Variants in PIP5K1B observed in about 807,000 individuals in gnomAD.
The protein encoded by PIP5K1B is phosphatidylinositol-4-phosphate 5-kinase type 1 beta.
In PIP5K1B, 42 loss-of-function variants were observed where a neutral mutation model predicts 67.0. The ratio of observed to expected loss-of-function variants is 0.63; its 90% CI spans 0.49 to 0.81. PIP5K1B has a LOEUF of 0.81. Among genes scored for constraint, PIP5K1B ranks in the 30% least tolerant of loss-of-function variants. The pLI is 0.00. For missense variants in PIP5K1B, 459 were observed against 646.3 expected (o/e 0.71, Z 3.14); for synonymous variants, 214 against 231.4 (o/e 0.92, Z 0.68).
chr9:68,817,676 T>C (rs1833513680), intron 2 of PIP5K1B, among the ~76,000 whole-genome samples: 1 of 151,948 alleles, frequency 6.6e-6, no homozygotes. Flanking sequence ...ACTGTTTATA[T>C]TGGCTATCGC....
At chr9:68,870,908 G>A (rs574277322) in intron 5 of PIP5K1B, among the ~76,000 whole-genome samples, 1 of 152,276 alleles carries the variant, frequency 6.6e-6, no homozygotes, top group South Asian at 2.1e-4. Context: ...AATAAACAAA[G>A]CTCACTAAAT....
intron 13 of PIP5K1B, among the ~76,000 whole-genome samples, chr9:68,939,243 A>G (rs4745402): frequency 0.32 from 48,120 of 152,070 alleles, 9,271 homozygotes; most frequent in South Asian, 0.5. Context: ...CACCTTCCCA[A>G]TGATGTGTGA....
chr9:68,770,741 G>A (rs1587417718), intron 2 of PIP5K1B, among the ~76,000 whole-genome samples: 1 of 152,172 alleles, frequency 6.6e-6, no homozygotes, highest in South Asian at 2.1e-4. Flanking sequence ...TGAAGTAGAA[G>A]ATCCCCCTTC....
In PIP5K1B at chr9:69,008,495, G is replaced by C. The variant is rs1210008653; in HGVS notation, c.*46G>C. 1.2e-6 allele frequency: 2 copies of C among 1,602,190 alleles called. No individual in the cohort carries two copies. On this transcript the variant is annotated 3_prime_UTR_variant, in exon 16 of 16. Transcript: ENST00000265382. The stretch of plus-strand genomic sequence containing the variant: ...AGCACATGGATGAGACGTGAGCACA[G>C]TTATGGCAGAGAAGTTTCTCCGCAC...
In PIP5K1B at chr9:68,822,624, G is replaced by A. The variant is rs1422060827; in HGVS notation, c.10G>A (p.Ala4Thr). The A allele has an allele frequency of 4.3e-6, 7 of 1,612,514 alleles. No homozygotes were observed. The highest frequency in any genetic ancestry group is 5.9e-6 in the Non-Finnish European group (7 of 1,178,950). The change falls in exon 4 of 16, where the codon GCT (alanine) becomes ACT (threonine). Residue 4 changes from alanine to threonine, a missense_variant. Physicochemically the swap from Ala to Thr is moderately conservative, Grantham distance 58. This residue lies in a region of PIP5K1B where 290 missense variants were observed against 474.4 expected (regional missense o/e 0.61). Coordinates refer to ENST00000265382, the MANE Select transcript of PIP5K1B (RefSeq NM_003558.4). MSS[A>T]AENGEAAPGK... ...TGTGTTTCTCTTGTAGATGTCTTCT[G>A]CTGCTGAAAATGGAGAGGCAGCACC...
intron 4 of PIP5K1B, among the ~76,000 whole-genome samples, chr9:68,828,487 A>C (rs1834104390): frequency 6.6e-6 from 1 of 152,112 alleles, no homozygotes; most frequent in Non-Finnish European, 1.5e-5. Context: ...ATCTTTGAAG[A>C]CCTTGGTTGT....
intron 6 of PIP5K1B, among the ~76,000 whole-genome samples, chr9:68,886,883 C>T (rs1187113012): frequency 1.3e-5 from 2 of 152,168 alleles, no homozygotes; most frequent in Non-Finnish European, 2.9e-5. Context: ...GTGGTCTGTC[C>T]CCTTGACCTC....
chr9:68,748,990 C>T (rs537471455), intron 2 of PIP5K1B, among the ~76,000 whole-genome samples: 1 of 152,242 alleles, frequency 6.6e-6, no homozygotes, highest in South Asian at 2.1e-4. Context: ...GTGGACAGAG[C>T]TGGGTTCAAA....
intron 14 of PIP5K1B, among the ~76,000 whole-genome samples, chr9:68,987,518 T>G (rs1830144626): frequency 6.6e-6 from 1 of 152,032 alleles, no homozygotes; most frequent in African/African-American, 2.4e-5. Flanking sequence ...GCCAAGATCA[T>G]GCCATTGCAC....
At chr9:68,923,475 T>G in intron 12 of PIP5K1B, 89 bp downstream of exon 12, 1 of 664,490 alleles carries the variant, frequency 1.5e-6, no homozygotes, top group Non-Finnish European at 2.6e-6. Flanking sequence ...AACTAACACA[T>G]TTCTCTCCCT....
At chr9:68,732,883 T>C (rs1272607672) in intron 1 of PIP5K1B, among the ~76,000 whole-genome samples, 1 of 133,390 alleles carries the variant, frequency 7.5e-6, no homozygotes, top group Non-Finnish European at 1.6e-5. Context: ...CATGAAAAGC[T>C]CATAATCCGT....
chr9:68,957,585 G>C (rs1423934458), intron 14 of PIP5K1B, among the ~76,000 whole-genome samples: 1 of 152,244 alleles, frequency 6.6e-6, no homozygotes. Context: ...TTTTATGCTA[G>C]AGTTGATGAA....
At chr9:68,774,444 C>G (rs527563979) in intron 2 of PIP5K1B, among the ~76,000 whole-genome samples, 20 of 152,316 alleles carry the variant, frequency 1.3e-4, no homozygotes, top group African/African-American at 4.8e-4. Flanking sequence ...TATCTTCCTT[C>G]CAATTGAAGT....
chr9:68,803,772 A>T (rs1832725760), intron 2 of PIP5K1B, among the ~76,000 whole-genome samples: 1 of 152,218 alleles, frequency 6.6e-6, no homozygotes. Flanking sequence ...AATAAAGCAC[A>T]TGGGGAAAAG....
chr9:68,710,301 A>G (rs1187432050), intron 1 of PIP5K1B, among the ~76,000 whole-genome samples: 1 of 152,226 alleles, frequency 6.6e-6, no homozygotes, highest in African/African-American at 2.4e-5. Flanking sequence ...GGTCTTATCA[A>G]TAGAGCAGGA....
At chr9:68,981,635 A>G (rs951229759) in intron 14 of PIP5K1B, among the ~76,000 whole-genome samples, 2 of 152,228 alleles carry the variant, frequency 1.3e-5, no homozygotes, top group African/African-American at 4.8e-5. Context: ...TGTTCCCTCA[A>G]CAAATGCTCT....
chr9:68,708,932 G>A (rs552458488), intron 1 of PIP5K1B, among the ~76,000 whole-genome samples: 1 of 152,266 alleles, frequency 6.6e-6, no homozygotes, highest in Admixed American at 6.5e-5. Context: ...ATATTAATTA[G>A]TTTAGAAGTA....
rs544208266 is a variant in PIP5K1B, at chr9:68,785,163, G to A, written c.-85-33298G>A. Among the ~76,000 whole-genome samples the A allele has an allele frequency of 2.1e-3, 327 of 152,330 alleles. 1 individual carries two copies. Among genetic ancestry groups the A allele is most frequent in the Non-Finnish European group, 3.4e-3 (229 of 68,026 alleles). ...TGGGAATTGGTTAAGTGGGTACTAG[G>A]TAAAGCCCAGTGTGTGAAGTAGTTA... On this transcript the variant is annotated intron_variant, in intron 2 of 15. Coordinates refer to ENST00000265382, the MANE Select transcript of PIP5K1B (RefSeq NM_003558.4).
chr9:68,825,750 A>G (rs1358293908), intron 4 of PIP5K1B, among the ~76,000 whole-genome samples: 1 of 152,192 alleles, frequency 6.6e-6, no homozygotes, highest in Non-Finnish European at 1.5e-5. Context: ...GAGGCAAGAC[A>G]TGAAAACAGT....
Sources: allele counts gnomAD v4.1 joint callset (sites outside exome capture counted in the v4.1 genomes callset), GRCh38; gene constraint gnomAD v4.1.1; regional missense constraint gnomAD v4.1.1; transcripts MANE v1.5; gene names NCBI Gene and HGNC (gene_info 2026-07-23, HGNC 2026-07-21).